Variants in CADPS observed in about 807,000 individuals in gnomAD.
The protein encoded by CADPS is calcium dependent secretion activator, also known as calcium-dependent secretion activator 1.
In CADPS, 57 loss-of-function variants were observed where a neutral mutation model predicts 167.3. The observed-to-expected ratio is 0.34, with a 90% CI of 0.28 to 0.42. The LOEUF is 0.42. Among genes scored for constraint, CADPS ranks in the 20% least tolerant of loss-of-function variants. The pLI, the probability that CADPS is intolerant of heterozygous loss-of-function variation, is 1.00. For synonymous variants in CADPS, 676 were observed against 635.3 expected (o/e 1.06, Z -0.96); for missense variants, 1,414 against 1,738.1 (o/e 0.81, Z 3.32).
chr3:62,864,811 A>G (rs577478228), intron 1 of CADPS, among the ~76,000 whole-genome samples: 2 of 152,256 alleles, frequency 1.3e-5, no homozygotes, highest in South Asian at 4.1e-4. Flanking sequence ...AAATCTAGAA[A>G]ACACCAATAT....
intron 3 of CADPS, among the ~76,000 whole-genome samples, chr3:62,663,276 T>G (rs1357243735): frequency 6.6e-6 from 1 of 152,178 alleles, no homozygotes; most frequent in Non-Finnish European, 1.5e-5. Context: ...ATGTAAGGGC[T>G]GTAGGTGAAT....
intron 3 of CADPS, among the ~76,000 whole-genome samples, chr3:62,710,441 A>C (rs2083180666): frequency 6.6e-6 from 1 of 152,162 alleles, no homozygotes; most frequent in African/African-American, 2.4e-5. Flanking sequence ...AAAGTTACCG[A>C]ACCTCTCCAT....
intron 1 of CADPS, among the ~76,000 whole-genome samples, chr3:62,846,771 CTT>C (rs1322335336): frequency 1.3e-5 from 2 of 152,074 alleles, no homozygotes; most frequent in African/African-American, 4.8e-5. Context: ...TCGAGCAATT[CTT>C]TTGATTCAGC....
chr3:62,862,039 C>A (rs984286164), intron 1 of CADPS, among the ~76,000 whole-genome samples: 5 of 151,708 alleles, frequency 3.3e-5, no homozygotes, highest in Admixed American at 6.6e-5. Flanking sequence ...GGGACTGGAG[C>A]CTTGGAACTC....
intron 1 of CADPS, among the ~76,000 whole-genome samples, chr3:62,866,201 G>A (rs2081642792): frequency 6.6e-6 from 1 of 151,986 alleles, no homozygotes; most frequent in African/African-American, 2.4e-5. Context: ...CAAAGTCAAA[G>A]GTAATAGATA....
At chr3:62,491,659 CA>C (rs1223819910) in intron 20 of CADPS, among the ~76,000 whole-genome samples, 179 bp from the exon 21 acceptor site, 8 of 151,752 alleles carry the variant, frequency 5.3e-5, no homozygotes, top group Non-Finnish European at 2.9e-5. Flanking sequence ...GAAAAAAGTA[CA>C]TAAAAAGCAT....
chr3:62,828,233 G>T (rs1212068844), intron 1 of CADPS, among the ~76,000 whole-genome samples: 1 of 152,134 alleles, frequency 6.6e-6, no homozygotes, highest in Non-Finnish European at 1.5e-5. Context: ...GGGTTTGGGT[G>T]TCACGCTTCT....
intron 4 of CADPS, among the ~76,000 whole-genome samples, chr3:62,659,276 G>A (rs2072550623): frequency 6.6e-6 from 1 of 152,108 alleles, no homozygotes; most frequent in Admixed American, 6.6e-5. Flanking sequence ...ATAAGCAGAG[G>A]TGATTTGTCT....
chr3:62,794,778 T>TAA lies in CADPS; in HGVS notation c.442-28796_442-28795dup, dbSNP rs71126555. ...TGTTTACAAGACAGACGCAAGGTGG[T>TAA]AAAAAAAAAAAAAAAAAAAAAAAAA... On this transcript the variant is annotated intron_variant, in intron 1 of 29. Transcript: ENST00000383710. Among the ~76,000 whole-genome samples the TAA allele has an allele frequency of 5.4e-4, 54 of 99,908 alleles. 1 individual carries two copies. The highest frequency in any genetic ancestry group is 2.3e-3 in the African/African-American group (45 of 19,880). 65.5% of individuals were successfully genotyped at this position (99,908 alleles called of 152,430 possible).
At chr3:62,401,113 G>C (rs1271115233) in intron 29 of CADPS, among the ~76,000 whole-genome samples, 1 of 152,168 alleles carries the variant, frequency 6.6e-6, no homozygotes, top group Non-Finnish European at 1.5e-5. Flanking sequence ...CTTGCTGAGA[G>C]GAGGAAGCTA....
chr3:62,450,534 C>T (rs1193263646), intron 26 of CADPS, among the ~76,000 whole-genome samples: 2 of 152,204 alleles, frequency 1.3e-5, no homozygotes, highest in Non-Finnish European at 2.9e-5. Flanking sequence ...TCCTGGGACT[C>T]CCTGCTTTCT....
chr3:62,611,760 T>A (rs941597198), intron 6 of CADPS, among the ~76,000 whole-genome samples: 1 of 152,224 alleles, frequency 6.6e-6, no homozygotes, highest in Non-Finnish European at 1.5e-5. Context: ...TGCTCTTCCC[T>A]CAGCTCCCTG....
At chr3:62,491,312 C>T (rs144540597) in intron 21 of CADPS, 27 bp downstream of exon 21, 1,091 of 1,611,034 alleles carry the variant, frequency 6.8e-4, no homozygotes, top group Non-Finnish European at 8.3e-4. Context: ...ACCCAAACTC[C>T]GATGGTATCA....
chr3:62,782,624 TG>T (rs2091850862), intron 1 of CADPS, among the ~76,000 whole-genome samples: 1 of 152,168 alleles, frequency 6.6e-6, no homozygotes, highest in South Asian at 2.1e-4. Context: ...TCTAAAAAGA[TG>T]TACAGCATTG....
chr3:62,718,876 A>C (rs1373698062), intron 3 of CADPS, among the ~76,000 whole-genome samples: 2 of 152,222 alleles, frequency 1.3e-5, no homozygotes, highest in African/African-American at 4.8e-5. Context: ...AGAGAGGGAC[A>C]CATTTGTTGT....
chr3:62,854,224 G>T (rs2079194505), intron 1 of CADPS, among the ~76,000 whole-genome samples: 1 of 152,138 alleles, frequency 6.6e-6, no homozygotes, highest in Non-Finnish European at 1.5e-5. Flanking sequence ...GAGAGAATTT[G>T]TGTGGTTGGA....
intron 1 of CADPS, among the ~76,000 whole-genome samples, chr3:62,827,953 A>G (rs1430221324): frequency 6.6e-6 from 1 of 152,144 alleles, no homozygotes; most frequent in Non-Finnish European, 1.5e-5. Flanking sequence ...ACATTTTACA[A>G]ATAAGGAAAA....
intron 3 of CADPS, among the ~76,000 whole-genome samples, chr3:62,745,623 C>T (rs1218799892): frequency 5.3e-5 from 8 of 152,180 alleles, no homozygotes; most frequent in Admixed American, 3.9e-4. Context: ...GTAACATCCA[C>T]ATTATAAAAC....
intron 28 of CADPS, among the ~76,000 whole-genome samples, chr3:62,422,147 C>G (rs550313311): frequency 6.6e-5 from 10 of 152,222 alleles, no homozygotes; most frequent in South Asian, 2.1e-4. Flanking sequence ...AAGTGGGGAG[C>G]CTTTACAAGA....
Sources: allele counts gnomAD v4.1 joint callset (sites outside exome capture counted in the v4.1 genomes callset), GRCh38; gene constraint gnomAD v4.1.1; transcripts MANE v1.5; gene names NCBI Gene and HGNC (gene_info 2026-07-23, HGNC 2026-07-21).